KHDRBS2: variants seen among roughly 807,000 people sequenced by gnomAD.
KHDRBS2 encodes KH domain-containing, RNA-binding, signal transduction-associated protein 2.
In KHDRBS2, 26 loss-of-function variants were observed where a neutral mutation model predicts 44.3. The ratio of observed to expected loss-of-function variants is 0.59; its 90% CI spans 0.43 to 0.81. The LOEUF (loss-of-function observed/expected upper bound fraction) is 0.81. Ranked by LOEUF, KHDRBS2 falls within the 40% of genes least tolerant of loss-of-function variation. The probability of loss-of-function intolerance (pLI) is 0.00; values close to 1 mark genes in which losing one functional copy is unlikely to be tolerated. For synonymous variants in KHDRBS2, 194 were observed against 151.1 expected, an observed-to-expected ratio of 1.28 and a Z score of -2.08; for missense variants, 476 against 433.1, an observed-to-expected ratio of 1.10 and a Z score of -0.88.
At chr6:62,221,823 A>T (rs1363326537) in intron 1 of KHDRBS2, among the ~76,000 whole-genome samples, 1 of 152,166 alleles carries the variant, frequency 6.6e-6, no homozygotes, top group Non-Finnish European at 1.5e-5. Flanking sequence ...TTTTAATGAT[A>T]TCACTGCCAA....
At chr6:62,143,435 T>A (rs1238964622) in intron 2 of KHDRBS2, among the ~76,000 whole-genome samples, 1 of 152,044 alleles carries the variant, frequency 6.6e-6, no homozygotes, top group Admixed American at 6.6e-5. Context: ...CAGCAATCTA[T>A]TTCATTCATA....
At chr6:62,061,854 T>C (rs11961834) in intron 2 of KHDRBS2, among the ~76,000 whole-genome samples, 3,378 of 150,092 alleles carry the variant, frequency 0.023, 138 homozygotes, top group African/African-American at 0.079. Flanking sequence ...CCCATATTTC[T>C]TGGAGGCTTT....
the KHDRBS2 span, among the ~76,000 whole-genome samples, chr6:61,612,908 A>T: frequency 1.6e-5 from 2 of 125,138 alleles, no homozygotes; most frequent in Admixed American, 1.1e-4. Flanking sequence ...GCTGGAGTGC[A>T]GTGGCGCGAT....
chr6:61,629,213 C>G, the KHDRBS2 span, among the ~76,000 whole-genome samples: 1 of 151,904 alleles, frequency 6.6e-6, no homozygotes, highest in Non-Finnish European at 1.5e-5. Context: ...ACTTGAATAC[C>G]CAGATAATAA....
At chr6:61,575,875 T>C in the KHDRBS2 span, among the ~76,000 whole-genome samples, 1 of 152,112 alleles carries the variant, frequency 6.6e-6, no homozygotes, top group African/African-American at 2.4e-5. Flanking sequence ...ATATCATATG[T>C]TCTCACTTAT....
chr6:61,696,283 G>A (rs1582209912), intron 8 of KHDRBS2, among the ~76,000 whole-genome samples: 1 of 111,504 alleles, frequency 9.0e-6, no homozygotes, highest in Non-Finnish European at 2.1e-5. Context: ...TTGAGACTGA[G>A]TCTCGCTCTG....
At chr6:62,277,276 T>C (rs1049173624) in intron 1 of KHDRBS2, among the ~76,000 whole-genome samples, 3 of 152,156 alleles carry the variant, frequency 2.0e-5, no homozygotes, top group African/African-American at 7.2e-5. Flanking sequence ...AATTAAACAT[T>C]TGATACTTCA....
At chr6:61,930,717 A>G (rs1372916850) in intron 4 of KHDRBS2, among the ~76,000 whole-genome samples, 1 of 131,512 alleles carries the variant, frequency 7.6e-6, no homozygotes, top group East Asian at 2.4e-4. Context: ...AAAAAGAAAG[A>G]AAGACGGCTA....
chr6:62,138,717 C>T (rs1383716779), intron 2 of KHDRBS2, among the ~76,000 whole-genome samples: 1 of 152,034 alleles, frequency 6.6e-6, no homozygotes, highest in Admixed American at 6.6e-5. Context: ...AATTTATGAA[C>T]CCATTATACT....
rs1766238845 is a variant in KHDRBS2 at position 61,681,055 on chromosome 6, C to T, written c.958G>A (p.Glu320Lys). 3.1e-6 allele frequency: 5 copies of T among 1,610,108 alleles called. No homozygotes were observed. Among genetic ancestry groups the T allele is most frequent in the Non-Finnish European group, 3.4e-6 (4 of 1,177,334 alleles). The change falls in exon 9 of 9, where the codon GAA (glutamate) becomes AAA (lysine). Residue 320 changes from glutamate (E) to lysine (K), a missense_variant. By Grantham distance (56) the Glu-to-Lys change is moderately conservative. Coordinates refer to ENST00000281156, the MANE Select transcript of KHDRBS2 (RefSeq NM_152688.4). The part of the protein sequence containing the change: ...SEDAYDSYAP[E>K]EWATTRSSLK... ...CTAGAGCGGGTTGTGGCCCATTCTT[C>T]TGGTGCTGTGAAAAAGAGAAAGATA...
At chr6:62,113,797 C>A (rs1278860729) in intron 2 of KHDRBS2, among the ~76,000 whole-genome samples, 1 of 152,082 alleles carries the variant, frequency 6.6e-6, no homozygotes, top group Non-Finnish European at 1.5e-5. Flanking sequence ...CAAACTCTAA[C>A]ATTACAACAA....
chr6:62,192,039 A>G (rs1162147599), intron 1 of KHDRBS2, among the ~76,000 whole-genome samples: 4 of 152,060 alleles, frequency 2.6e-5, no homozygotes. Flanking sequence ...GTTATATTGT[A>G]GAAAGCTGTC....
chr6:62,175,916 T>C (rs1204464411), intron 2 of KHDRBS2, among the ~76,000 whole-genome samples: 1 of 151,366 alleles, frequency 6.6e-6, no homozygotes, highest in African/African-American at 2.4e-5. Context: ...TACATTTTTA[T>C]TTAGAGGCAG....
chr6:61,953,121 T>G (rs1765117663), intron 4 of KHDRBS2, among the ~76,000 whole-genome samples: 1 of 152,084 alleles, frequency 6.6e-6, no homozygotes, highest in African/African-American at 2.4e-5. Context: ...TGTAATTTAT[T>G]TATAATGAAA....
At chr6:62,097,130 C>A (rs1421640632) in intron 2 of KHDRBS2, among the ~76,000 whole-genome samples, 2 of 150,756 alleles carry the variant, frequency 1.3e-5, no homozygotes, top group Non-Finnish European at 1.5e-5. Context: ...ATTGTTGAGA[C>A]TTACTTTATG....
chr6:62,023,378 G>A (rs766494665), intron 3 of KHDRBS2, among the ~76,000 whole-genome samples: 2 of 151,466 alleles, frequency 1.3e-5, no homozygotes, highest in Non-Finnish European at 3.0e-5. Flanking sequence ...ATTAATGTTG[G>A]TTTTCAGCAT....
At chr6:62,259,668 C>T (rs855414) in intron 1 of KHDRBS2, among the ~76,000 whole-genome samples, 26,353 of 151,668 alleles carry the variant, frequency 0.17, 2,536 homozygotes, top group African/African-American at 0.27. Flanking sequence ...GCTCTGATCA[C>T]CTGATTAAAT....
intron 2 of KHDRBS2, among the ~76,000 whole-genome samples, chr6:62,083,307 C>G (rs1797769764): frequency 6.6e-6 from 1 of 152,048 alleles, no homozygotes. Context: ...CAGCCATACT[C>G]CAGGGGAAAA....
At chr6:62,016,256 C>T (rs1035435382) in intron 3 of KHDRBS2, among the ~76,000 whole-genome samples, 1 of 151,938 alleles carries the variant, frequency 6.6e-6, no homozygotes, top group African/African-American at 2.4e-5. Context: ...AAAGTTTCAT[C>T]ACATGTAATA....
Sources: gnomAD v4.1 joint callset for allele counts (sites outside exome capture counted in the v4.1 genomes callset) on GRCh38, gnomAD v4.1.1 for gene constraint, MANE v1.5 for transcripts, NCBI Gene and HGNC (gene_info 2026-07-23, HGNC 2026-07-21) for gene names.